DLX5: variants seen among roughly 807,000 people sequenced by gnomAD.
DLX5 encodes distal-less homeobox 5.
A neutral mutation model predicts 27.1 loss-of-function variants in DLX5; 8 were observed. That is an observed-to-expected ratio of 0.30 (90% CI 0.17 to 0.53). The LOEUF (loss-of-function observed/expected upper bound fraction) is 0.53, where lower values mean the gene tolerates loss of function less well. Among genes scored for constraint, DLX5 ranks in the 20% least tolerant of loss-of-function variants. The probability of loss-of-function intolerance (pLI) is 0.95; values close to 1 mark genes in which losing one functional copy is unlikely to be tolerated. For missense variants in DLX5, 339 were observed against 375.1 expected, an observed-to-expected ratio of 0.90 and a Z score of 0.80; for synonymous variants, 178 against 161.9, an observed-to-expected ratio of 1.10 and a Z score of -0.75.
At chr7:97,022,541 T>C (rs1184392444) in intron 1 of DLX5, 172 bp from the exon 2 acceptor site, 8 of 985,422 alleles carry the variant, frequency 8.1e-6, no homozygotes, top group Non-Finnish European at 9.6e-6. Flanking sequence ...ACCCCAAATA[T>C]GGAAAAGCGG....
intron 2 of DLX5, among the ~76,000 whole-genome samples, chr7:97,021,384 C>T (rs892908908): frequency 6.6e-6 from 1 of 152,158 alleles, no homozygotes; most frequent in Non-Finnish European, 1.5e-5. Flanking sequence ...GGCGGCGCGC[C>T]TCGTGTAAGC....
At position 97,024,154 on chromosome 7, in the gene DLX5, G is replaced by A. The variant is rs1013502068; in HGVS notation, c.355+115C>T. 8 of 953,984 alleles carry A rather than the reference G, an allele frequency of 8.4e-6. No individual in the cohort carries two copies. The highest frequency in any genetic ancestry group is 2.6e-5 in the East Asian group (1 of 38,004). The allele number at this position is 953,984 out of a possible 1,614,324, so 59.1% of individuals were successfully genotyped here. A position where few individuals can be genotyped will look rare whatever the true frequency, so the allele number is the denominator to read the frequency against. On this transcript the variant is annotated intron_variant, in intron 1 of 2. Transcript: ENST00000648378. This position sits in a 1 kb window ranked among gnomAD's most constrained non-coding sequence, Gnocchi z 4.6. ...GAGGGTCTGAGTCCTACTCCCTTCT[G>A]CCGCGTGCGCCCCCACTGCCGTGAA...
In DLX5 at chr7:97,021,057, G is replaced by A. The variant is rs1049250299; in HGVS notation, c.549C>T (p.Ile183=). Residue 183 remains isoleucine, a synonymous_variant, in exon 3 of 3, where the codon ATC becomes ATT. Coordinates refer to ENST00000648378, the MANE Select transcript of DLX5 (RefSeq NM_005221.6). ...TCTTGGATCTTTTGTTCTGAAACCA[G>A]ATTTTCACCTGAGTTGGGGAACAAA... is the stretch of plus-strand genomic sequence containing the variant. ...SLGLTQTQVK[I]WFQNKRSKIK... 8 of 1,603,310 alleles carry A rather than the reference G, an allele frequency of 5.0e-6. No homozygotes were observed. In the Admixed American group the frequency reaches 8.4e-5, roughly 17 times the overall value.
At position 97,024,345 on chromosome 7, in the gene DLX5, G is replaced by T; in HGVS notation, c.279C>A (p.Ala93=). The part of the protein sequence containing the change: ...SAGSYPAKAY[A]DYSYASSYHQ... ...GGTAGGAGCTAGCGTAGCTATAGTC[G>T]GCATAAGCTTTGGCTGGGTAGCTCC... is the stretch of plus-strand genomic sequence containing the variant. Residue 93 remains alanine (A), a synonymous_variant, in exon 1 of 3, where the codon GCC becomes GCA. Coordinates refer to ENST00000648378, the MANE Select transcript of DLX5 (RefSeq NM_005221.6). The surrounding 1 kb of genome is among the most constrained non-coding windows in gnomAD (Gnocchi z 4.6). 1 of 1,614,236 alleles carries T rather than the reference G, an allele frequency of 6.2e-7. No homozygotes were observed. Among genetic ancestry groups the T allele is most frequent in the African/African-American group, 1.3e-5 (1 of 75,070 alleles).
At chr7:97,022,494 C>T (rs1177729428) in intron 1 of DLX5, 125 bp from the exon 2 acceptor site, 1 of 1,507,568 alleles carries the variant, frequency 6.6e-7, no homozygotes, top group Admixed American at 2.2e-5. Context: ...ATATCACCAC[C>T]ACCTTTGCTT....
In DLX5 at chr7:97,022,170, C is replaced by G. The variant is rs373248990; in HGVS notation, c.540+15G>C. The G allele has an allele frequency of 1.2e-6, 2 of 1,613,940 alleles. No individual in the cohort carries two copies. The highest frequency in any genetic ancestry group is 4.5e-5 in the East Asian group (2 of 44,880). On this transcript the variant is annotated intron_variant, in intron 2 of 2. Coordinates refer to ENST00000648378, the MANE Select transcript of DLX5 (RefSeq NM_005221.6). ...CAGCTCAGGCAGGTCTAGTGCATGG[C>G]AGCGCCGTATTTACCTGTGTTTGTG...
In DLX5 at chr7:97,020,523, C is replaced by T. The variant is rs1277198372; in HGVS notation, c.*213G>A. 2.3e-6 allele frequency: 1 copy of T among 436,880 alleles called. No individual in the cohort carries two copies. Among genetic ancestry groups the T allele is most frequent in the Non-Finnish European group, 4.0e-6 (1 of 250,262 alleles). 27.1% of individuals were successfully genotyped at this position (436,880 alleles called of 1,614,324 possible). ...AAAGTTGAGGTCATAGATTTCAAGG[C>T]ACCATTGAAAGTGTCCACAGTTGCG... On this transcript the variant is annotated 3_prime_UTR_variant, in exon 3 of 3. Transcript: ENST00000648378.
rs369530818 is a variant in DLX5, at chr7:97,022,269, T to A, written c.456A>T (p.Leu152Phe). The A allele has an allele frequency of 6.2e-7, 1 of 1,614,136 alleles. No individual in the cohort carries two copies. Among genetic ancestry groups the A allele is most frequent in the Non-Finnish European group, 8.5e-7 (1 of 1,180,046 alleles). Residue 152 changes from leucine to phenylalanine, a missense_variant, in exon 2 of 3, where the codon TTA (leucine) becomes TTT (phenylalanine). Leu to Phe is a conservative substitution (Grantham distance 22). This residue lies in a region of DLX5 where 188 missense variants were observed against 206.1 expected (regional missense o/e 0.91). Coordinates refer to ENST00000648378, the MANE Select transcript of DLX5 (RefSeq NM_005221.6). ...ACTGAGTCTTCTGAAACCTTCTCTG[T>A]AATGCGGCCAGCTGAAAGCTGGAAT... is the stretch of plus-strand genomic sequence containing the variant. ...TIYSSFQLAA[L>F]QRRFQKTQYL... is the part of the protein sequence containing the mutation.
chr7:97,024,318 G>A lies in DLX5; in HGVS notation c.306C>T (p.His102=). The change falls in exon 1 of 3, where the codon CAC becomes CAT. Residue 102 remains histidine, a synonymous_variant. Transcript: ENST00000648378. This position sits in a 1 kb window ranked among gnomAD's most constrained non-coding sequence, Gnocchi z 4.6. ...CGCGGTTGTAGGCGCCGCCGTACTG[G>A]TGGTAGGAGCTAGCGTAGCTATAGT... ...YADYSYASSY[H]QYGGAYNRVP... The A allele has an allele frequency of 5.0e-6, 8 of 1,614,234 alleles. No homozygotes were observed. Among genetic ancestry groups the A allele is most frequent in the Middle Eastern group, 1.6e-4 (1 of 6,062 alleles).
In DLX5 at chr7:97,024,451, T is replaced by C; in HGVS notation, c.173A>G (p.Tyr58Cys). The C allele has an allele frequency of 6.2e-7, 1 of 1,614,258 alleles. No individual in the cohort carries two copies. The highest frequency in any genetic ancestry group is 8.5e-7 in the Non-Finnish European group (1 of 1,180,050). ...ATAGGAAGCCGAGGTAGGAGAGCAG[T>C]AGCCGTGCGGGGCTCCCCCCGTAGG... Reference protein sequence around the residue: ...YSPTGGAPHGYCSPTSASYGK... With the variant: ...YSPTGGAPHGCCSPTSASYGK... The change falls in exon 1 of 3, where the codon TAC becomes TGC. Residue 58 changes from tyrosine (Y) to cysteine (C), a missense_variant. By Grantham distance (194) the Tyr-to-Cys change is radical. Coordinates refer to ENST00000648378, the MANE Select transcript of DLX5 (RefSeq NM_005221.6). The surrounding 1 kb of genome is among the most constrained non-coding windows in gnomAD (Gnocchi z 4.6).
At chr7:97,021,094 C>T in intron 2 of DLX5, 29 bp from the exon 3 acceptor site, 6 of 1,571,864 alleles carry the variant, frequency 3.8e-6, no homozygotes, top group Non-Finnish European at 4.3e-6. Flanking sequence ...GCACACGTTA[C>T]CGGGACACTC....
chr7:97,020,449 A>G lies in DLX5; in HGVS notation c.*287T>C, dbSNP rs977166129. On this transcript the variant is annotated 3_prime_UTR_variant, in exon 3 of 3. Coordinates refer to ENST00000648378, the MANE Select transcript of DLX5 (RefSeq NM_005221.6). Reference sequence around the variant, plus strand: ...CCAGAATATACAGTTTAATTCCTCTATCTACACTTATTTACATGGCTAAAA... The same window carrying G: ...CCAGAATATACAGTTTAATTCCTCTGTCTACACTTATTTACATGGCTAAAA... The G allele has an allele frequency of 7.3e-6, 2 of 273,748 alleles. No homozygotes were observed. The highest frequency in any genetic ancestry group is 2.2e-5 in the African/African-American group (1 of 45,932). 17.0% of individuals were successfully genotyped at this position (273,748 alleles called of 1,614,324 possible).
chr7:97,020,907 G>T lies in DLX5; in HGVS notation c.699C>A (p.Leu233=). 6.2e-7 allele frequency: 1 copy of T among 1,614,176 alleles called. No individual in the cohort carries two copies. The highest frequency in any genetic ancestry group is 8.5e-7 in the Non-Finnish European group (1 of 1,180,046). The change falls in exon 3 of 3, where the codon CTC becomes CTA. Residue 233 remains leucine, a synonymous_variant. Coordinates refer to ENST00000648378, the MANE Select transcript of DLX5 (RefSeq NM_005221.6). ...VWEPQGSSRS[L]SHHPHAHPPT... ...GAGGGTGGGCATGAGGGTGGTGGCT[G>T]AGCGAGCGGGACGAGCCCTGGGGCT...
Position 97,022,294 on chromosome 7 carries a change from T to G in DLX5, c.431A>C (p.Tyr144Ser). Residue 144 changes from tyrosine (Y) to serine (S), a missense_variant, in exon 2 of 3, where the codon TAT becomes TCT. Transcript: ENST00000648378. ...PKKVRKPRTI[Y>S]SSFQLAALQR... ...TAATGCGGCCAGCTGAAAGCTGGAATAAATAGTCCTGGGTTTACGAACTTT... is the reference window on the plus strand; with the variant it reads ...TAATGCGGCCAGCTGAAAGCTGGAAGAAATAGTCCTGGGTTTACGAACTTT... 1 of 1,614,260 alleles carries G rather than the reference T, an allele frequency of 6.2e-7. No homozygotes were observed. Among genetic ancestry groups the G allele is most frequent in the South Asian group, 1.1e-5 (1 of 91,090 alleles).
chr7:97,022,031 CTCACCGAGTTAAAGCA>C (rs1790077185), intron 2 of DLX5, 138 bp downstream of exon 2: 3 of 859,858 alleles, frequency 3.5e-6, no homozygotes, highest in Non-Finnish European at 5.6e-6. Flanking sequence ...CAAGGCCTGA[CTCACCGAGTTAAAGCA>C]TAGGGGCTGA....
intron 2 of DLX5, 151 bp downstream of exon 2, chr7:97,022,025 GCCTGACTCA>G: frequency 1.2e-6 from 1 of 812,506 alleles, no homozygotes; most frequent in Non-Finnish European, 2.0e-6. Flanking sequence ...CCGTCTCAAG[GCCTGACTCA>G]CCGAGTTAAA....
chr7:97,021,245 C>T (rs1026444419), intron 2 of DLX5, among the ~76,000 whole-genome samples, 180 bp from the exon 3 acceptor site: 1 of 152,216 alleles, frequency 6.6e-6, no homozygotes, highest in Non-Finnish European at 1.5e-5. Context: ...GGAGCTCTGG[C>T]CCCAGAGGGC....
In DLX5 at chr7:97,022,129, G is replaced by A. The variant is rs779616943; in HGVS notation, c.540+56C>T. 16 of 1,607,792 alleles carry A rather than the reference G, an allele frequency of 1.0e-5. No individual in the cohort carries two copies. The South Asian group carries it at 1.4e-4, about 14-fold the overall frequency. On this transcript the variant is annotated intron_variant, in intron 2 of 2. Transcript: ENST00000648378. ...CAGTCCCATCGAGACTGAACCGCGC[G>A]ACCCAACCAGACGTGCAGCTCAGGC...
At chr7:97,022,430 G>A (rs1323714119) in intron 1 of DLX5, 61 bp from the exon 2 acceptor site, 1 of 1,600,856 alleles carries the variant, frequency 6.2e-7, no homozygotes, top group Non-Finnish European at 8.5e-7. Flanking sequence ...TTTTGCGGAA[G>A]GGCCTCAAAT....
Sources: gnomAD v4.1 joint callset for allele counts (sites outside exome capture counted in the v4.1 genomes callset) on GRCh38, gnomAD v4.1.1 for gene constraint, gnomAD v4.1.1 regional missense constraint, Gnocchi (gnomAD v3.1) non-coding constraint, MANE v1.5 for transcripts, NCBI Gene and HGNC (gene_info 2026-07-23, HGNC 2026-07-21) for gene names.